OR14L1: variants seen among roughly 807,000 people sequenced by gnomAD.
The protein encoded by OR14L1 is olfactory receptor family 14 subfamily L member 1, also known as olfactory receptor 14L1.
At chr1:247,621,861 T>C in the OR14L1 span, 2 of 152,348 alleles carry the variant, frequency 1.3e-5, no homozygotes, top group East Asian at 1.9e-4. Context: ...TCATCCATAT[T>C]GTCACCAATG....
At chr1:247,619,813 A>G in the OR14L1 span, 4 of 152,126 alleles carry the variant, frequency 2.6e-5, no homozygotes, top group South Asian at 2.1e-4. Flanking sequence ...CCAAACCCCA[A>G]TGTATTTCTT....
chr1:247,619,121 C>G, the OR14L1 span, among the ~76,000 whole-genome samples: 1 of 152,110 alleles, frequency 6.6e-6, no homozygotes, highest in Non-Finnish European at 1.5e-5. Flanking sequence ...TGACTATAAC[C>G]TCACTAAATA....
the OR14L1 span, chr1:247,620,686 T>C: frequency 1.3e-5 from 2 of 152,214 alleles, no homozygotes; most frequent in Non-Finnish European, 2.9e-5. Context: ...GAGCTCTTTC[T>C]TGATTTTTAA....
chr1:247,619,242 T>C, the OR14L1 span, among the ~76,000 whole-genome samples: 1 of 152,170 alleles, frequency 6.6e-6, no homozygotes, highest in Non-Finnish European at 1.5e-5. Flanking sequence ...CTTTAACACA[T>C]AATGAGCAAA....
the OR14L1 span, chr1:247,619,550 A>G: frequency 6.6e-6 from 1 of 152,250 alleles, no homozygotes; most frequent in Admixed American, 6.5e-5. Context: ...ATAATTAATT[A>G]TCACAAATTG....
chr1:247,617,789 A>ATGTGTGTGTTGTG, the OR14L1 span, among the ~76,000 whole-genome samples: 1 of 149,958 alleles, frequency 6.7e-6, no homozygotes, highest in Admixed American at 6.6e-5. Flanking sequence ...AAAGTTCTGT[A>ATGTGTGTGTTGTG]TGTGTGTGTG....
At chr1:247,620,486 C>T in the OR14L1 span, 2,144 of 152,318 alleles carry the variant, frequency 0.014, 48 homozygotes, top group African/African-American at 0.048. Flanking sequence ...GTCGTGCCCC[C>T]GACCCTGAAC....
At chr1:247,619,503 T>C in the OR14L1 span, 1 of 152,210 alleles carries the variant, frequency 6.6e-6, no homozygotes, top group African/African-American at 2.4e-5. Context: ...GATTTAGGGT[T>C]AGAACGATAG....
At chr1:247,618,974 C>A in the OR14L1 span, among the ~76,000 whole-genome samples, 2 of 152,142 alleles carry the variant, frequency 1.3e-5, no homozygotes, top group Non-Finnish European at 2.9e-5. Context: ...TTTTACCTCC[C>A]TACGTTCTCT....
At chr1:247,621,537 T>A in the OR14L1 span, 1 of 152,224 alleles carries the variant, frequency 6.6e-6, no homozygotes, top group Non-Finnish European at 1.5e-5. Flanking sequence ...GTCATTCATT[T>A]GTGGTGACAT....
At chr1:247,618,826 A>G in the OR14L1 span, among the ~76,000 whole-genome samples, 1 of 152,160 alleles carries the variant, frequency 6.6e-6, no homozygotes, top group African/African-American at 2.4e-5. Flanking sequence ...AATAGTTCTC[A>G]AAACCTAGCT....
At chr1:247,621,272 A>T in the OR14L1 span, 2 of 152,190 alleles carry the variant, frequency 1.3e-5, no homozygotes, top group African/African-American at 4.8e-5. Context: ...TTATTCCCAG[A>T]GTGCTTTTAT....
chr1:247,617,460 TTAA>T, the OR14L1 span: 16 of 152,330 alleles, frequency 1.1e-4, no homozygotes, highest in East Asian at 1.9e-4. Context: ...TATTTTTCAA[TTAA>T]TAGATTGCAC....
At chr1:247,622,028 G>A in the OR14L1 span, 1 of 152,090 alleles carries the variant, frequency 6.6e-6, no homozygotes, top group Non-Finnish European at 1.5e-5. Context: ...ACATGCCTTT[G>A]ACCTACTGAT....
At chr1:247,618,862 T>C in the OR14L1 span, among the ~76,000 whole-genome samples, 1 of 152,176 alleles carries the variant, frequency 6.6e-6, no homozygotes, top group Admixed American at 6.6e-5. Context: ...GCAACTCTTC[T>C]ATAACAACAC....
At chr1:247,620,980 A>G in the OR14L1 span, 2 of 152,168 alleles carry the variant, frequency 1.3e-5, no homozygotes, top group Admixed American at 1.3e-4. Flanking sequence ...ATGGAAAATA[A>G]ACATAAGGTA....
chr1:247,618,199 TCTCGGTTTAA>T, the OR14L1 span, among the ~76,000 whole-genome samples: 1 of 152,156 alleles, frequency 6.6e-6, no homozygotes, highest in East Asian at 1.9e-4. Context: ...TGGTTTTCTT[TCTCGGTTTAA>T]CTTTTGATTT....
the OR14L1 span, chr1:247,621,631 A>G: frequency 1.3e-5 from 2 of 152,234 alleles, no homozygotes; most frequent in Non-Finnish European, 2.9e-5. Context: ...ATAGATCACC[A>G]GAGCTTATCC....
At chr1:247,617,817 G>A in the OR14L1 span, among the ~76,000 whole-genome samples, 3 of 72,434 alleles carry the variant, frequency 4.1e-5, no homozygotes, top group Admixed American at 4.4e-4. Flanking sequence ...AAAAGGATGT[G>A]CACATTTAAA....
Sources: allele counts gnomAD v4.1 joint callset (sites outside exome capture counted in the v4.1 genomes callset), GRCh38; gene constraint gnomAD v4.1.1; transcripts MANE v1.5; gene names NCBI Gene and HGNC (gene_info 2026-07-23, HGNC 2026-07-21).